Variants in DAAM1 observed in about 807,000 individuals in gnomAD.
DAAM1 encodes dishevelled associated activator of morphogenesis 1, also known as disheveled-associated activator of morphogenesis 1.
A neutral mutation model predicts 130.0 loss-of-function variants in DAAM1; 52 were observed. That is an observed-to-expected ratio of 0.40 (90% confidence interval 0.32 to 0.50). The LOEUF (loss-of-function observed/expected upper bound fraction) is 0.50, where lower values mean the gene tolerates loss of function less well. Ranked by LOEUF, DAAM1 falls within the 20% of genes least tolerant of loss-of-function variation. DAAM1 has a pLI of 0.61. For synonymous variants in DAAM1, 452 were observed against 444.5 expected, an observed-to-expected ratio of 1.02 and a Z score of -0.21; for missense variants, 1,134 against 1,303.8, an observed-to-expected ratio of 0.87 and a Z score of 2.01.
intron 1 of DAAM1, among the ~76,000 whole-genome samples, chr14:59,231,519 A>G (rs1294040101): frequency 6.6e-6 from 1 of 152,160 alleles, no homozygotes; most frequent in Non-Finnish European, 1.5e-5. Context: ...AAAACACGTT[A>G]TTATTTTTTA....
chr14:59,324,378 C>T lies in DAAM1; in HGVS notation c.913C>T (p.Arg305Cys), dbSNP rs150648068. 1.2e-5 allele frequency: 19 copies of T among 1,592,594 alleles called. No homozygotes were observed. The highest frequency in any genetic ancestry group is 4.0e-5 in the African/African-American group (3 of 74,400). ...VESLDFRLHL[R>C]YEFLMLGIQP... ...GAGTTTGGACTTTAGACTTCATCTT[C>T]GCTATGAATTTCTGATGTTAGGAAT... Residue 305 changes from arginine (R) to cysteine (C), a missense_variant, in exon 8 of 25, where the codon CGC becomes TGC. Arg to Cys is a radical substitution (Grantham distance 180, BLOSUM62 -3). Coordinates refer to ENST00000360909, the MANE Select transcript of DAAM1 (RefSeq NM_001270520.2).
intron 6 of DAAM1, among the ~76,000 whole-genome samples, chr14:59,323,736 G>A (rs748718542): frequency 7.2e-5 from 11 of 152,064 alleles, no homozygotes; most frequent in East Asian, 3.9e-4. Context: ...CTGTCTAAAC[G>A]TAAGATTTTA....
intron 3 of DAAM1, among the ~76,000 whole-genome samples, chr14:59,312,145 A>G (rs1300760600): frequency 6.6e-6 from 1 of 152,238 alleles, no homozygotes. Context: ...GTCAAAGGCT[A>G]TCTGGATTTT....
intron 1 of DAAM1, among the ~76,000 whole-genome samples, chr14:59,203,114 C>T (rs1409945506): frequency 6.6e-6 from 1 of 151,188 alleles, no homozygotes; most frequent in Non-Finnish European, 1.5e-5. Context: ...GCCTCAGCCT[C>T]CCGAGTAGTT....
chr14:59,326,750 A>AG (rs1885218902), intron 11 of DAAM1, 102 bp downstream of exon 11: 6 of 1,550,900 alleles, frequency 3.9e-6, no homozygotes, highest in Non-Finnish European at 5.2e-6. Flanking sequence ...GAAATGTTCT[A>AG]GGGGTCAAAT....
intron 19 of DAAM1, 119 bp downstream of exon 19, chr14:59,354,083 C>T (rs1426540294): frequency 3.9e-5 from 36 of 929,612 alleles, no homozygotes; most frequent in Admixed American, 3.5e-4. Context: ...TTTTTTGAGA[C>T]GGAGTCTTGC....
intron 15 of DAAM1, chr14:59,338,433 A>G (rs1010791000): frequency 6.2e-7 from 1 of 1,612,596 alleles, no homozygotes; most frequent in Non-Finnish European, 8.5e-7. Context: ...GCTACTACCT[A>G]AAGCTTGCTT....
chr14:59,289,060 C>G (rs543475105), intron 2 of DAAM1, among the ~76,000 whole-genome samples: 1 of 152,096 alleles, frequency 6.6e-6, no homozygotes, highest in African/African-American at 2.4e-5. Flanking sequence ...GGACTACAGG[C>G]GTGTGCCACC....
intron 22 of DAAM1, among the ~76,000 whole-genome samples, 153 bp downstream of exon 22, chr14:59,361,015 G>A (rs1886685156): frequency 6.6e-6 from 1 of 152,156 alleles, no homozygotes; most frequent in African/African-American, 2.4e-5. Context: ...AGAAGCAAAG[G>A]CAGGTTATGT....
At chr14:59,235,007 T>C (rs752208623) in intron 1 of DAAM1, among the ~76,000 whole-genome samples, 33 of 152,178 alleles carry the variant, frequency 2.2e-4, no homozygotes, top group Non-Finnish European at 4.1e-4. Context: ...TTGATCACGG[T>C]GGATAAGCTT....
chr14:59,296,837 T>C (rs1451355083), intron 3 of DAAM1, among the ~76,000 whole-genome samples: 1 of 152,232 alleles, frequency 6.6e-6, no homozygotes, highest in African/African-American at 2.4e-5. Flanking sequence ...GTTTGGACGA[T>C]TGACCAAATC....
chr14:59,257,608 C>T (rs1329884137), intron 1 of DAAM1, among the ~76,000 whole-genome samples: 4 of 152,084 alleles, frequency 2.6e-5, no homozygotes, highest in Non-Finnish European at 5.9e-5. Context: ...CACGTGCCTG[C>T]GTATGAGGCA....
chr14:59,361,087 G>A (rs1886687835), intron 22 of DAAM1, among the ~76,000 whole-genome samples: 1 of 152,182 alleles, frequency 6.6e-6, no homozygotes, highest in Admixed American at 6.5e-5. Context: ...AGCAGGAACT[G>A]GAAACTGGAC....
chr14:59,201,418 C>G (rs1034968486), intron 1 of DAAM1, among the ~76,000 whole-genome samples: 1 of 151,840 alleles, frequency 6.6e-6, no homozygotes, highest in African/African-American at 2.4e-5. Flanking sequence ...AGGTCAGGAG[C>G]TCGAGACCAG....
chr14:59,264,361 A>G (rs1882331595), intron 2 of DAAM1: 1 of 152,494 alleles, frequency 6.6e-6, no homozygotes, highest in African/African-American at 2.4e-5. Flanking sequence ...ATATTATGGC[A>G]TAGTTTAAAG....
chr14:59,294,924 T>C (rs1348460723), intron 3 of DAAM1, among the ~76,000 whole-genome samples: 1 of 152,262 alleles, frequency 6.6e-6, no homozygotes, highest in Non-Finnish European at 1.5e-5. Context: ...ACATGTATTA[T>C]GCTGACAGCA....
At chr14:59,354,211 C>T (rs1181629842) in intron 19 of DAAM1, among the ~76,000 whole-genome samples, 2 of 152,070 alleles carry the variant, frequency 1.3e-5, no homozygotes, top group Non-Finnish European at 2.9e-5. Context: ...CAGGTGCCTG[C>T]CACCACGCCT....
At chr14:59,214,782 T>C (rs907347824) in intron 1 of DAAM1, among the ~76,000 whole-genome samples, 3 of 152,248 alleles carry the variant, frequency 2.0e-5, no homozygotes, top group African/African-American at 7.2e-5. Flanking sequence ...TCAGCTATCA[T>C]GAATAATGCT....
intron 1 of DAAM1, among the ~76,000 whole-genome samples, chr14:59,192,946 A>G (rs953460878): frequency 5.9e-5 from 9 of 152,174 alleles, no homozygotes; most frequent in Non-Finnish European, 1.2e-4. Flanking sequence ...CCAGTTACTC[A>G]GGAGGCTGAG....
Sources: allele counts gnomAD v4.1 joint callset (sites outside exome capture counted in the v4.1 genomes callset), GRCh38; gene constraint gnomAD v4.1.1; transcripts MANE v1.5; gene names NCBI Gene and HGNC (gene_info 2026-07-23, HGNC 2026-07-21).